Variants in CDYL2 observed in about 807,000 individuals in gnomAD.
CDYL2 encodes chromodomain Y like 2.
A neutral mutation model predicts 49.4 loss-of-function variants in CDYL2; 23 were observed. That is an observed-to-expected ratio of 0.47 (90% CI 0.34 to 0.66). The LOEUF is 0.66. Among genes scored for constraint, CDYL2 ranks in the 30% least tolerant of loss-of-function variants. The pLI is 0.01. For missense variants in CDYL2, 678 were observed against 656.4 expected, an observed-to-expected ratio of 1.03 and a Z score of -0.36; for synonymous variants, 360 against 268.8, an observed-to-expected ratio of 1.34 and a Z score of -3.32.
In CDYL2 at chr16:80,700,370, T is replaced by C. The variant is rs80090465; in HGVS notation, c.25-15241A>G. Among the ~76,000 whole-genome samples, 783 of 152,190 alleles carry C rather than the reference T, an allele frequency of 5.1e-3. 9 individuals carry two copies. The highest frequency in any genetic ancestry group is 0.018 in the African/African-American group (752 of 41,536). On this transcript the variant is annotated intron_variant, in intron 1 of 6. Coordinates refer to ENST00000570137, the MANE Select transcript of CDYL2 (RefSeq NM_152342.4). ...ACTATAATTAAAATTTTTCCTTTCA[T>C]AAAAGACATCAAAAATAAAATTAAA... is the stretch of plus-strand genomic sequence containing the variant.
intron 1 of CDYL2, among the ~76,000 whole-genome samples, chr16:80,751,015 A>T (rs1906117971): frequency 8.1e-6 from 1 of 123,700 alleles, no homozygotes; most frequent in Non-Finnish European, 1.6e-5. Flanking sequence ...GTGAGATTCC[A>T]TCTTAAAAAA....
intron 2 of CDYL2, among the ~76,000 whole-genome samples, chr16:80,658,183 T>C (rs1308537601): frequency 1.3e-5 from 2 of 150,852 alleles, no homozygotes; most frequent in East Asian, 1.9e-4. Context: ...GCAGGGAAAA[T>C]TGAGTAAAAG....
chr16:80,775,936 T>C (rs976546852), intron 1 of CDYL2, among the ~76,000 whole-genome samples: 16 of 151,890 alleles, frequency 1.1e-4, no homozygotes, highest in African/African-American at 3.9e-4. Flanking sequence ...AACATCAAAA[T>C]ATTGGTCATA....
intron 1 of CDYL2, among the ~76,000 whole-genome samples, chr16:80,790,428 G>C (rs1447873351): frequency 6.6e-6 from 1 of 152,184 alleles, no homozygotes; most frequent in African/African-American, 2.4e-5. Flanking sequence ...TTTACAGTTT[G>C]AAGAAAGTCC....
rs190569508 is a variant in CDYL2, at chr16:80,642,715, C to A, written c.617-9479G>T. Among the ~76,000 whole-genome samples, 1,064 of 152,188 alleles carry A rather than the reference C, an allele frequency of 7.0e-3. 10 individuals carry two copies. Among genetic ancestry groups the A allele is most frequent in the Non-Finnish European group, 8.1e-3 (551 of 68,020 alleles). ...GTGGCAAGAGGAAATAAGGAAGATG[C>A]AAAAGTGGAAACCCTTGATAAAACC... On this transcript the variant is annotated intron_variant, in intron 2 of 6. Transcript: ENST00000570137.
intron 2 of CDYL2, among the ~76,000 whole-genome samples, chr16:80,666,081 G>T (rs1306847259): frequency 1.3e-5 from 2 of 152,164 alleles, no homozygotes; most frequent in African/African-American, 4.8e-5. Flanking sequence ...GAGGCGCCAG[G>T]ACCCACTGCT....
chr16:80,767,981 A>G (rs557920886), intron 1 of CDYL2, among the ~76,000 whole-genome samples: 83 of 152,300 alleles, frequency 5.4e-4, no homozygotes, highest in African/African-American at 1.9e-3. Context: ...AGCTCTTAAA[A>G]TGAATTAACC....
At chr16:80,633,803 C>T (rs762895527) in intron 2 of CDYL2, among the ~76,000 whole-genome samples, 2 of 152,174 alleles carry the variant, frequency 1.3e-5, no homozygotes, top group Non-Finnish European at 2.9e-5. Context: ...CTCTTCCTCT[C>T]GCAAATCAAT....
At chr16:80,647,995 T>C (rs1394479105) in intron 2 of CDYL2, among the ~76,000 whole-genome samples, 1 of 152,030 alleles carries the variant, frequency 6.6e-6, no homozygotes, top group Non-Finnish European at 1.5e-5. Context: ...CCAAAACCTA[T>C]GGGATACAGC....
At position 80,604,522 on chromosome 16, in the gene CDYL2, C is replaced by A; in HGVS notation, c.1387G>T (p.Val463Leu). 1.2e-6 allele frequency: 2 copies of A among 1,614,204 alleles called. No individual in the cohort carries two copies. The highest frequency in any genetic ancestry group is 1.1e-5 in the South Asian group (1 of 91,076). ...AVVLEESKCL[V>L]RSFLKSVLED... ...AGCACTGATTTCAGGAAGCTCCGCA[C>A]GAGGCATTTGGACTCCTCTAACACC... The change falls in exon 7 of 7, where the codon GTG (valine) becomes TTG (leucine). Residue 463 changes from valine (V) to leucine (L), a missense_variant. Coordinates refer to ENST00000570137, the MANE Select transcript of CDYL2 (RefSeq NM_152342.4).
In CDYL2 at chr16:80,760,943, G is replaced by A. The variant is rs930001114; in HGVS notation, c.24+43207C>T. Among the ~76,000 whole-genome samples, 6 of 152,102 alleles carry A rather than the reference G, an allele frequency of 3.9e-5. No homozygotes were observed. The South Asian group carries it at 1.0e-3, about 26-fold the overall frequency. ...GCCGGTGCGTCTGTGGATTTAATGC[G>A]CAAAGGTGACAAAAACCAAATTATT... On this transcript the variant is annotated intron_variant, in intron 1 of 6. Coordinates refer to ENST00000570137, the MANE Select transcript of CDYL2 (RefSeq NM_152342.4).
intron 1 of CDYL2, among the ~76,000 whole-genome samples, chr16:80,756,872 A>C (rs1312594371): frequency 2.0e-5 from 3 of 151,996 alleles, no homozygotes; most frequent in East Asian, 1.9e-4. Flanking sequence ...TAAAAAAAAA[A>C]ACACATGATT....
chr16:80,690,408 C>A (rs1009514899), intron 1 of CDYL2, among the ~76,000 whole-genome samples: 6 of 152,188 alleles, frequency 3.9e-5, no homozygotes, highest in Non-Finnish European at 8.8e-5. Context: ...ACCACCTAAC[C>A]TTGATTCAGC....
intron 4 of CDYL2, among the ~76,000 whole-genome samples, chr16:80,618,030 GGCTGA>G (rs1267231862): frequency 7.9e-5 from 12 of 152,264 alleles, no homozygotes; most frequent in African/African-American, 2.4e-4. Flanking sequence ...GTGCTGTCAG[GGCTGA>G]GAACCAGTGG....
At chr16:80,630,467 A>G (rs1907510427) in intron 3 of CDYL2, among the ~76,000 whole-genome samples, 1 of 152,202 alleles carries the variant, frequency 6.6e-6, no homozygotes, top group African/African-American at 2.4e-5. Flanking sequence ...AGTGAAGTAG[A>G]AAGAATCTAG....
At chr16:80,729,887 T>C (rs1425438475) in intron 1 of CDYL2, among the ~76,000 whole-genome samples, 4 of 152,088 alleles carry the variant, frequency 2.6e-5, no homozygotes, top group African/African-American at 4.8e-5. Context: ...GAAATAAAGA[T>C]GTTCTTTGAA....
At chr16:80,658,759 T>C (rs947633787) in intron 2 of CDYL2, among the ~76,000 whole-genome samples, 1 of 152,200 alleles carries the variant, frequency 6.6e-6, no homozygotes, top group African/African-American at 2.4e-5. Context: ...ATCCCACATG[T>C]TGGTTTCTAA....
intron 1 of CDYL2, among the ~76,000 whole-genome samples, chr16:80,701,917 G>A (rs540529371): frequency 1.3e-5 from 2 of 152,290 alleles, no homozygotes; most frequent in South Asian, 2.1e-4. Flanking sequence ...CTATACTTGT[G>A]AGTGTAGCAT....
intron 1 of CDYL2, among the ~76,000 whole-genome samples, chr16:80,721,561 T>C (rs548284606): frequency 3.9e-5 from 6 of 152,346 alleles, no homozygotes; most frequent in African/African-American, 1.4e-4. Context: ...AGTCATCCTT[T>C]GCAAAGCCAA....
Sources: gnomAD v4.1 joint callset for allele counts (sites outside exome capture counted in the v4.1 genomes callset) on GRCh38, gnomAD v4.1.1 for gene constraint, MANE v1.5 for transcripts, NCBI Gene and HGNC (gene_info 2026-07-23, HGNC 2026-07-21) for gene names.